Variants in ITIH2 observed in about 807,000 individuals in gnomAD.
The protein encoded by ITIH2 is inter-alpha-trypsin inhibitor heavy chain 2.
ITIH2 carries 103 observed loss-of-function variants against 104.4 expected under a neutral mutation model. That is an observed-to-expected ratio of 0.99 (90% CI 0.84 to 1.16). The LOEUF (loss-of-function observed/expected upper bound fraction) is 1.16, where lower values mean the gene tolerates loss of function less well. Among genes scored for constraint, ITIH2 ranks in the 50% most tolerant of loss-of-function variants. The pLI is 0.00. For missense variants in ITIH2, 1,108 were observed against 1,162.4 expected, an observed-to-expected ratio of 0.95 and a Z score of 0.68; for synonymous variants, 436 against 435.4, an observed-to-expected ratio of 1.00 and a Z score of -0.02.
rs145455896 is a variant in ITIH2 at position 7,711,222 on chromosome 10, G to A, written c.363-1959G>A. On this transcript the variant is annotated intron_variant, in intron 4 of 20. Transcript: ENST00000358415. ...TTCTGTTCCTGTGTTAGTTTGCTGA[G>A]GAAGATGGCTTACAGCTTCAACCAT... 3.2e-3 allele frequency among the ~76,000 whole-genome samples: 492 copies of A among 152,272 alleles called. 6 individuals are homozygous for A. Among genetic ancestry groups the A allele is most frequent in the African/African-American group, 0.012 (479 of 41,552 alleles).
chr10:7,716,507 G>C (rs375677094), intron 5 of ITIH2, among the ~76,000 whole-genome samples: 3 of 151,978 alleles, frequency 2.0e-5, no homozygotes, highest in Non-Finnish European at 4.4e-5. Flanking sequence ...AAGTGGAGGC[G>C]GGTGGATCAT....
Position 7,732,496 on chromosome 10 carries a change from C to T in ITIH2, c.1787+19C>T, listed in dbSNP as rs1835013507. Reference sequence around the variant, plus strand: ...CTGAACGGTAAGAAGAGAAGAGTACCCACACCACGAGATCTGCAAAACTGA... The same window carrying T: ...CTGAACGGTAAGAAGAGAAGAGTACTCACACCACGAGATCTGCAAAACTGA... On this transcript the variant is annotated intron_variant, in intron 14 of 20. Coordinates refer to ENST00000358415, the MANE Select transcript of ITIH2 (RefSeq NM_002216.3). 6.2e-7 allele frequency: 1 copy of T among 1,602,810 alleles called. No homozygotes were observed. The highest frequency in any genetic ancestry group is 1.7e-5 in the Admixed American group (1 of 59,648).
At chr10:7,734,320 AG>A (rs1320691000) in intron 14 of ITIH2, among the ~76,000 whole-genome samples, 1 of 152,226 alleles carries the variant, frequency 6.6e-6, no homozygotes, top group Non-Finnish European at 1.5e-5. Context: ...GTGTGTATGC[AG>A]TGGAGACATA....
chr10:7,726,532 G>T (rs1189519787), intron 9 of ITIH2, among the ~76,000 whole-genome samples: 6 of 152,146 alleles, frequency 3.9e-5, no homozygotes, highest in African/African-American at 1.2e-4. Flanking sequence ...TTTCTCAGTG[G>T]AGTTGGAATC....
chr10:7,743,055 G>A (rs536634049), intron 16 of ITIH2, 91 bp from the exon 17 acceptor site: 4 of 702,326 alleles, frequency 5.7e-6, no homozygotes, highest in African/African-American at 1.8e-5. Context: ...TATTTGTTCT[G>A]ATTAAATTAA....
chr10:7,738,560 G>A, intron 15 of ITIH2, 61 bp from the exon 16 acceptor site: 1 of 1,592,632 alleles, frequency 6.3e-7, no homozygotes. Flanking sequence ...TCTTGACATG[G>A]TGAGCAATTT....
intron 5 of ITIH2, among the ~76,000 whole-genome samples, chr10:7,714,163 C>CTT (rs1564298974): frequency 1.6e-5 from 2 of 125,642 alleles, no homozygotes; most frequent in Admixed American, 7.8e-5. Flanking sequence ...TGCACACTCA[C>CTT]TATTTTTTTT....
chr10:7,707,290 G>A, intron 3 of ITIH2, 57 bp downstream of exon 3: 1 of 1,288,912 alleles, frequency 7.8e-7, no homozygotes, highest in Non-Finnish European at 1.1e-6. Context: ...TAATTACCAG[G>A]AAATCAATCT....
At chr10:7,714,223 G>C (rs900017376) in intron 5 of ITIH2, among the ~76,000 whole-genome samples, 1 of 141,232 alleles carries the variant, frequency 7.1e-6, no homozygotes, top group Non-Finnish European at 1.5e-5. Flanking sequence ...CCAGGCTGGA[G>C]TGCAGTGGTG....
At chr10:7,730,349 G>A (rs550011452) in intron 12 of ITIH2, among the ~76,000 whole-genome samples, 1 of 152,268 alleles carries the variant, frequency 6.6e-6, no homozygotes, top group Admixed American at 6.5e-5. Flanking sequence ...AGGCAGATGG[G>A]TGTTGGGAAC....
Position 7,717,647 on chromosome 10 carries a change from A to G in ITIH2, c.489A>G (p.Glu163=). 1 of 1,613,804 alleles carries G rather than the reference A, an allele frequency of 6.2e-7. No homozygotes were observed. The highest frequency in any genetic ancestry group is 8.5e-7 in the Non-Finnish European group (1 of 1,179,762). The change falls in exon 6 of 21, where the codon GAA becomes GAG. Residue 163 remains glutamate, a synonymous_variant. Coordinates refer to ENST00000358415, the MANE Select transcript of ITIH2 (RefSeq NM_002216.3). ...TTAGGAGCAGCGCTCTTGATATGGA[A>G]AACTTCAGAACGGAAGTAAATGTCC... is the stretch of plus-strand genomic sequence containing the variant. ...GLVRSSALDM[E]NFRTEVNVLP...
At chr10:7,710,450 C>A (rs1564298042) in intron 4 of ITIH2, among the ~76,000 whole-genome samples, 1 of 152,204 alleles carries the variant, frequency 6.6e-6, no homozygotes, top group East Asian at 1.9e-4. Flanking sequence ...GTGGCCAACC[C>A]AGAGTATGTT....
At chr10:7,733,238 C>A (rs1036311772) in intron 14 of ITIH2, among the ~76,000 whole-genome samples, 1 of 152,098 alleles carries the variant, frequency 6.6e-6, no homozygotes, top group Non-Finnish European at 1.5e-5. Flanking sequence ...CTGTTCCTGG[C>A]TTCTTTCACT....
chr10:7,720,741 C>T (rs1386510592), intron 6 of ITIH2, 115 bp from the exon 7 acceptor site: 13 of 639,010 alleles, frequency 2.0e-5, no homozygotes, highest in East Asian at 2.9e-5. Context: ...GGAGTCGTGC[C>T]CGGGAAACCT....
rs80305356 is a variant in ITIH2 at position 7,749,106 on chromosome 10, G to A, written c.2694-81G>A. 1.8e-3 allele frequency: 2,582 copies of A among 1,431,032 alleles called. 45 individuals are homozygous for A. In the East Asian group the frequency reaches 0.034, roughly 19 times the overall value. The allele number at this position is 1,431,032 out of a possible 1,614,324, so 88.6% of individuals were successfully genotyped here. On this transcript the variant is annotated intron_variant, in intron 20 of 20. Transcript: ENST00000358415. Reference sequence around the variant, plus strand: ...GCAGATGTGGTGACAGAAGGAACACGAAGAACAGCAAGGAAAAGAGGGAGT... The same window carrying A: ...GCAGATGTGGTGACAGAAGGAACACAAAGAACAGCAAGGAAAAGAGGGAGT...
At position 7,737,698 on chromosome 10, in the gene ITIH2, T is replaced by TATTCTATAG. The variant is rs1835076236; in HGVS notation, c.1958-922_1958-921insTTCTATAGA. On this transcript the variant is annotated intron_variant, in intron 15 of 20. Coordinates refer to ENST00000358415, the MANE Select transcript of ITIH2 (RefSeq NM_002216.3). ...TATATTTTCTATATTATATTCTATATAATATTCTATATTATATTCTATATA... is the reference window on the plus strand; with the variant it reads ...TATATTTTCTATATTATATTCTATATATTCTATAGAATATTCTATATTATATTCTATATA... Among the ~76,000 whole-genome samples the TATTCTATAG allele has an allele frequency of 2.1e-4, 8 of 37,436 alleles. 1 individual carries two copies. The highest frequency in any genetic ancestry group is 1.4e-3 in the African/African-American group (8 of 5,754). 24.6% of individuals were successfully genotyped at this position (37,436 alleles called of 152,430 possible). A position where few individuals can be genotyped will look rare whatever the true frequency, so the allele number is the denominator to read the frequency against.
intron 15 of ITIH2, among the ~76,000 whole-genome samples, chr10:7,737,580 T>TATATTCTATATATTCTATATTCTATAGA (rs1835069842): frequency 1.5e-5 from 1 of 66,182 alleles, no homozygotes; most frequent in South Asian, 4.8e-4. Flanking sequence ...TATTAAATTC[T>TATATTCTATATATTCTATATTCTATAGA]ATATTCTATA....
At chr10:7,735,222 C>A in intron 15 of ITIH2, 131 bp downstream of exon 15, 1 of 706,254 alleles carries the variant, frequency 1.4e-6, no homozygotes, top group Non-Finnish European at 2.2e-6. Context: ...CTCCTGTGCC[C>A]AAGCTCTTCC....
rs576754002 is a variant in ITIH2 at position 7,720,978 on chromosome 10, G to C, written c.738+15G>C. 1 of 1,521,064 alleles carries C rather than the reference G, an allele frequency of 6.6e-7. No homozygotes were observed. The highest frequency in any genetic ancestry group is 1.4e-5 in the African/African-American group (1 of 73,122). The allele number at this position is 1,521,064 out of a possible 1,614,324, so 94.2% of individuals were successfully genotyped here. On this transcript the variant is annotated intron_variant, in intron 7 of 20. Transcript: ENST00000358415. ...GACAACAGAAGGTACCCTGAGCCCT[G>C]TGTGTTGCCAGGCATTCACAGGGCC...
Sources: gnomAD v4.1 joint callset for allele counts (sites outside exome capture counted in the v4.1 genomes callset) on GRCh38, gnomAD v4.1.1 for gene constraint, MANE v1.5 for transcripts, NCBI Gene and HGNC (gene_info 2026-07-23, HGNC 2026-07-21) for gene names.